SGCZ: variants seen among roughly 807,000 people sequenced by gnomAD.
SGCZ encodes the protein zeta-sarcoglycan.
A neutral mutation model predicts 41.3 loss-of-function variants in SGCZ; 40 were observed. That is an observed-to-expected ratio of 0.97 (90% CI 0.75 to 1.26). The LOEUF is 1.26. SGCZ is among the 50% of genes most tolerant of loss of function. The probability of loss-of-function intolerance (pLI) is 0.00; values close to 1 mark genes in which losing one functional copy is unlikely to be tolerated. For missense variants in SGCZ, 552 were observed against 369.8 expected (o/e 1.49, Z -4.04); for synonymous variants, 206 against 137.5 (o/e 1.50, Z -3.49).
intron 1 of SGCZ, among the ~76,000 whole-genome samples, chr8:14,818,780 A>C (rs554599584): frequency 3.3e-5 from 5 of 152,206 alleles, no homozygotes; most frequent in East Asian, 1.9e-4. Context: ...TGAAGGAAAT[A>C]AAAAATACAA....
At chr8:14,747,689 T>TTAC (rs1463218021) in intron 1 of SGCZ, among the ~76,000 whole-genome samples, 1 of 135,488 alleles carries the variant, frequency 7.4e-6, no homozygotes, top group African/African-American at 2.6e-5. Flanking sequence ...ATTATTATTA[T>TTAC]TATGTGTGTG....
intron 2 of SGCZ, among the ~76,000 whole-genome samples, chr8:14,402,670 C>A (rs1427164490): frequency 7.0e-6 from 1 of 142,736 alleles, no homozygotes; most frequent in Non-Finnish European, 1.5e-5. Flanking sequence ...GTACCAGTAC[C>A]ACGGTGTTTT....
chr8:14,493,379 T>TTTTTTTTTTTTTTTG (rs1801901804), intron 2 of SGCZ, among the ~76,000 whole-genome samples: 1 of 127,092 alleles, frequency 7.9e-6, no homozygotes, highest in Non-Finnish European at 1.7e-5. Flanking sequence ...TTTTTTTTTT[T>TTTTTTTTTTTTTTTG]TTTTTTTTGA....
intron 1 of SGCZ, among the ~76,000 whole-genome samples, chr8:14,572,671 C>T (rs1030673581): frequency 6.6e-6 from 1 of 152,164 alleles, no homozygotes. Flanking sequence ...CAAAGTACCA[C>T]GCCTCCCCTT....
chr8:15,035,011 A>C (rs1242384257), intron 1 of SGCZ, among the ~76,000 whole-genome samples: 1 of 152,150 alleles, frequency 6.6e-6, no homozygotes, highest in Non-Finnish European at 1.5e-5. Flanking sequence ...AAACACCTGA[A>C]AGTATTAAGA....
At chr8:14,309,119 A>G (rs1280720221) in intron 3 of SGCZ, 9 of 1,465,526 alleles carry the variant, frequency 6.1e-6, no homozygotes, top group African/African-American at 1.4e-5. Flanking sequence ...AGAACACTAT[A>G]TTAAACATCC....
intron 1 of SGCZ, among the ~76,000 whole-genome samples, chr8:15,055,039 C>G (rs960808112): frequency 2.4e-4 from 37 of 151,942 alleles, no homozygotes; most frequent in African/African-American, 8.7e-4. Context: ...ACTTCTCTTA[C>G]ACCTCCTAAG....
At position 14,551,579 on chromosome 8, in the gene SGCZ, TAATATATATAATATATATTATATATATTA is replaced by T. The variant is rs1803859453; in HGVS notation, c.234+3124_234+3152del. 6.8e-5 allele frequency among the ~76,000 whole-genome samples: 2 copies of T among 29,198 alleles called. 1 individual carries two copies. Among genetic ancestry groups the T allele is most frequent in the Non-Finnish European group, 1.1e-4 (2 of 18,934 alleles). 19.2% of individuals were successfully genotyped at this position (29,198 alleles called of 152,430 possible). A position where few individuals can be genotyped will look rare whatever the true frequency, so the allele number is the denominator to read the frequency against. ...ATATATTATATATATAATATATATA[TAATATATATAATATATATTATATATATTA>T]TATATATACATAAAATATATATATT... On this transcript the variant is annotated intron_variant, in intron 2 of 7. Transcript: ENST00000382080.
At chr8:14,233,036 A>G (rs543425457) in intron 4 of SGCZ, among the ~76,000 whole-genome samples, 2 of 152,166 alleles carry the variant, frequency 1.3e-5, no homozygotes, top group African/African-American at 2.4e-5. Flanking sequence ...AAGTATCTCA[A>G]AAGTCATTGG....
At chr8:14,757,365 A>G (rs1323542649) in intron 1 of SGCZ, among the ~76,000 whole-genome samples, 1 of 152,064 alleles carries the variant, frequency 6.6e-6, no homozygotes, top group Non-Finnish European at 1.5e-5. Flanking sequence ...TGTCTTTTTA[A>G]CTTTAGCTTT....
At chr8:14,976,027 T>TATATA (rs1491342773) in intron 1 of SGCZ, among the ~76,000 whole-genome samples, 1 of 143,910 alleles carries the variant, frequency 6.9e-6, no homozygotes, top group Non-Finnish European at 1.5e-5. Flanking sequence ...CACATATATA[T>TATATA]TTTTTTTTTT....
intron 1 of SGCZ, among the ~76,000 whole-genome samples, chr8:14,886,951 T>C (rs1804829734): frequency 6.6e-6 from 1 of 152,120 alleles, no homozygotes; most frequent in Admixed American, 6.6e-5. Context: ...AATGTATTAT[T>C]AGATTACAGT....
intron 3 of SGCZ, among the ~76,000 whole-genome samples, chr8:14,262,875 A>G (rs1193428684): frequency 2.0e-5 from 3 of 151,818 alleles, no homozygotes; most frequent in Non-Finnish European, 4.4e-5. Flanking sequence ...AAATGTGAGA[A>G]GTATAAATCT....
intron 2 of SGCZ, among the ~76,000 whole-genome samples, chr8:14,470,609 T>A (rs994690408): frequency 1.1e-4 from 16 of 152,258 alleles, no homozygotes; most frequent in African/African-American, 3.9e-4. Context: ...TATCCATTTA[T>A]TTTCTGTCCA....
At chr8:14,632,972 G>T (rs147273751) in intron 1 of SGCZ, among the ~76,000 whole-genome samples, 4 of 151,460 alleles carry the variant, frequency 2.6e-5, no homozygotes, top group Non-Finnish European at 4.4e-5. Flanking sequence ...GTTAATAAGT[G>T]AATTATATAT....
At chr8:14,231,160 A>AGGGTGTGTGTGTGTGTGTGTGTGT (rs141922150) in intron 4 of SGCZ, among the ~76,000 whole-genome samples, 1 of 112,036 alleles carries the variant, frequency 8.9e-6, no homozygotes, top group African/African-American at 3.6e-5. Context: ...TCTTTGGGCA[A>AGGGTGTGTGTGTGTGTGTGTGTGT]GTGTGTGTGT....
chr8:15,082,095 C>T (rs544481603), intron 1 of SGCZ, among the ~76,000 whole-genome samples: 6 of 151,876 alleles, frequency 4.0e-5, no homozygotes, highest in African/African-American at 1.4e-4. Flanking sequence ...TGGGCATGAT[C>T]GCGGCCACCT....
intron 2 of SGCZ, among the ~76,000 whole-genome samples, chr8:14,434,180 A>T (rs1422141497): frequency 6.6e-6 from 1 of 152,170 alleles, no homozygotes; most frequent in Non-Finnish European, 1.5e-5. Flanking sequence ...TCATTCTCCT[A>T]CATGTGGCTT....
intron 1 of SGCZ, among the ~76,000 whole-genome samples, chr8:14,682,178 G>A (rs558180093): frequency 6.6e-6 from 1 of 151,942 alleles, no homozygotes; most frequent in Non-Finnish European, 1.5e-5. Flanking sequence ...CAATTTGTTC[G>A]ACTAAAGAAA....
Sources: gnomAD v4.1 joint callset for allele counts (sites outside exome capture counted in the v4.1 genomes callset) on GRCh38, gnomAD v4.1.1 for gene constraint, MANE v1.5 for transcripts, NCBI Gene and HGNC (gene_info 2026-07-23, HGNC 2026-07-21) for gene names.